DIAPH2: variants seen among roughly 807,000 people sequenced by gnomAD.
DIAPH2 encodes the protein protein diaphanous homolog 2.
In DIAPH2, 35 loss-of-function variants were observed where a neutral mutation model predicts 92.7. The ratio of observed to expected loss-of-function variants is 0.38; its 90% CI spans 0.29 to 0.50. The LOEUF is 0.50. Ranked by LOEUF, DIAPH2 falls within the 20% of genes least tolerant of loss-of-function variation. DIAPH2 has a pLI of 0.94. For missense variants in DIAPH2, 701 were observed against 819.5 expected (o/e 0.86, Z 1.77); for synonymous variants, 301 against 280.4 (o/e 1.07, Z -0.73).
intron 23 of DIAPH2, among the ~76,000 whole-genome samples, chrX:97,275,278 C>T (rs760083822): frequency 1.0e-4 from 10 of 99,688 alleles, no homozygotes; most frequent in East Asian, 3.5e-4. Context: ...GGGCTGCCCC[C>T]CCAACCTCCC....
intron 24 of DIAPH2, among the ~76,000 whole-genome samples, chrX:97,349,004 GTGTGTGTATATA>G (rs2069183697): frequency 1.0e-5 from 1 of 99,041 alleles, no homozygotes; most frequent in African/African-American, 4.2e-5. Context: ...ATATATATAT[GTGTGTGTATATA>G]TATGTGTATA....
Position 96,880,086 on chromosome X carries a change from C to T in DIAPH2, c.448-1493C>T, listed in dbSNP as rs768405114. ...CATAACGAAGCAAGAAATACCAAGTCAGTGGCCATTATACAAAATATGGGA... is the reference window on the plus strand; with the variant it reads ...CATAACGAAGCAAGAAATACCAAGTTAGTGGCCATTATACAAAATATGGGA... On this transcript the variant is annotated intron_variant, in intron 4 of 26. Transcript: ENST00000324765. Among the ~76,000 whole-genome samples the T allele has an allele frequency of 2.7e-5, 3 of 111,726 alleles. No homozygotes were observed. The South Asian group carries it at 1.1e-3, about 42-fold the overall frequency.
intron 26 of DIAPH2, among the ~76,000 whole-genome samples, chrX:97,535,641 G>A (rs2071090361): frequency 9.0e-6 from 1 of 110,525 alleles, no homozygotes; most frequent in African/African-American, 3.3e-5. Flanking sequence ...TAGTAGAGAC[G>A]GGGTTTCACC....
At chrX:97,028,995 G>A (rs1483389908) in intron 17 of DIAPH2, among the ~76,000 whole-genome samples, 2 of 111,568 alleles carry the variant, frequency 1.8e-5, no homozygotes, top group East Asian at 5.6e-4. Flanking sequence ...TGCTTTTAAT[G>A]TTAGCCATCC....
chrX:97,211,380 G>A (rs1181768740), intron 22 of DIAPH2, among the ~76,000 whole-genome samples: 2 of 111,060 alleles, frequency 1.8e-5, no homozygotes, highest in African/African-American at 6.5e-5. Context: ...AAAACTAATA[G>A]TATTTGTATT....
chrX:97,296,509 C>A (rs1197129221), intron 23 of DIAPH2, among the ~76,000 whole-genome samples: 2 of 111,313 alleles, frequency 1.8e-5, no homozygotes, highest in African/African-American at 3.3e-5. Context: ...GCTTGTTTTC[C>A]CTCTGAGATC....
At chrX:97,204,405 A>T (rs1298928224) in intron 22 of DIAPH2, among the ~76,000 whole-genome samples, 1 of 111,598 alleles carries the variant, frequency 9.0e-6, no homozygotes, top group Non-Finnish European at 1.9e-5. Flanking sequence ...AGATGACATG[A>T]TTCTATTTAG....
intron 26 of DIAPH2, among the ~76,000 whole-genome samples, chrX:97,517,220 A>G (rs757612826): frequency 8.9e-6 from 1 of 112,260 alleles, no homozygotes; most frequent in East Asian, 2.8e-4. Context: ...ATTACAGAGC[A>G]TTTGAACTGG....
At chrX:96,864,032 C>A (rs1350327800) in intron 4 of DIAPH2, among the ~76,000 whole-genome samples, 2 of 111,516 alleles carry the variant, frequency 1.8e-5, no homozygotes, top group African/African-American at 6.5e-5. Context: ...CATTGCACTC[C>A]AGCCTGGGAG....
chrX:96,782,569 G>T (rs1013184230), intron 4 of DIAPH2, among the ~76,000 whole-genome samples: 1 of 111,389 alleles, frequency 9.0e-6, no homozygotes, highest in Non-Finnish European at 1.9e-5. Context: ...AAAGTGCTGG[G>T]ATTACAGGCG....
At chrX:96,871,016 AC>A (rs2065138119) in intron 4 of DIAPH2, among the ~76,000 whole-genome samples, 1 of 112,062 alleles carries the variant, frequency 8.9e-6, no homozygotes, top group Non-Finnish European at 1.9e-5. Context: ...CCCCAACACA[AC>A]AAATGTTGGT....
chrX:97,292,757 A>G (rs1383459167), intron 23 of DIAPH2, among the ~76,000 whole-genome samples: 1 of 110,682 alleles, frequency 9.0e-6, no homozygotes, highest in East Asian at 2.8e-4. Context: ...CAGCTCCTCA[A>G]CTCACTCAAG....
At chrX:97,058,389 A>G (rs771840297) in intron 17 of DIAPH2, among the ~76,000 whole-genome samples, 48 of 109,621 alleles carry the variant, frequency 4.4e-4, no homozygotes, top group Middle Eastern at 4.8e-3. Flanking sequence ...CATTTCTTGT[A>G]ATATGGCTTC....
At chrX:97,358,495 T>C in intron 24 of DIAPH2, among the ~76,000 whole-genome samples, 1 of 111,527 alleles carries the variant, frequency 9.0e-6, no homozygotes, top group Non-Finnish European at 1.9e-5. Flanking sequence ...CAAAAGATTT[T>C]TTAAAAAAAA....
chrX:97,345,854 C>T (rs764330626), intron 23 of DIAPH2, among the ~76,000 whole-genome samples: 3 of 111,542 alleles, frequency 2.7e-5, no homozygotes, highest in Non-Finnish European at 5.7e-5. Flanking sequence ...GAAGGAAATG[C>T]TCCAAAATGT....
chrX:97,064,846 T>C (rs1422959866), intron 17 of DIAPH2, among the ~76,000 whole-genome samples: 1 of 111,310 alleles, frequency 9.0e-6, no homozygotes, highest in East Asian at 2.8e-4. Flanking sequence ...GTGAGTCTCC[T>C]AGTCTGAAAA....
intron 26 of DIAPH2, among the ~76,000 whole-genome samples, chrX:97,548,603 C>G (rs1300592935): frequency 8.9e-6 from 1 of 112,263 alleles, no homozygotes; most frequent in Non-Finnish European, 1.9e-5. Flanking sequence ...AACCCCACTT[C>G]TCTGCAAAGT....
rs112339215 is a variant in DIAPH2, at chrX:96,730,174, C to T, written c.133-5584C>T. On this transcript the variant is annotated intron_variant, in intron 1 of 26. Coordinates refer to ENST00000324765, the MANE Select transcript of DIAPH2 (RefSeq NM_006729.5). ...GATTGGGAGTAATTTTAAGTACACG[C>T]AGTAAATAGTTCAGTGATTGCAAAA... 7.7e-3 allele frequency among the ~76,000 whole-genome samples: 861 copies of T among 111,797 alleles called. 8 individuals carry two copies. Among genetic ancestry groups the T allele is most frequent in the African/African-American group, 0.027 (822 of 30,793 alleles).
intron 17 of DIAPH2, among the ~76,000 whole-genome samples, chrX:96,999,017 G>T (rs1373409499): frequency 8.9e-6 from 1 of 111,795 alleles, no homozygotes; most frequent in Non-Finnish European, 1.9e-5. Context: ...TTTGAATCCA[G>T]GGATGTAGTC....
Sources: gnomAD v4.1 joint callset for allele counts (sites outside exome capture counted in the v4.1 genomes callset) on GRCh38, gnomAD v4.1.1 for gene constraint, MANE v1.5 for transcripts, NCBI Gene and HGNC (gene_info 2026-07-23, HGNC 2026-07-21) for gene names.